C11orf54: variants seen among roughly 807,000 people sequenced by gnomAD.
The protein encoded by C11orf54 is beta-keto L-gulonate decarboxylase.
Under a neutral mutation model 35.5 loss-of-function variants are expected in C11orf54, and 29 were observed. The ratio of observed to expected loss-of-function variants is 0.82; its 90% CI spans 0.61 to 1.11. C11orf54 has a LOEUF of 1.11. C11orf54 is among the 50% of genes most tolerant of loss of function. The pLI is 0.00. For missense variants in C11orf54, 373 were observed against 369.2 expected (o/e 1.01, Z -0.08); for synonymous variants, 108 against 121.1 (o/e 0.89, Z 0.71).
Position 93,757,433 on chromosome 11 carries a change from A to G in C11orf54, c.625A>G (p.Ile209Val), listed in dbSNP as rs1338285531. 6.3e-7 allele frequency: 1 copy of G among 1,598,346 alleles called. No homozygotes were observed. The highest frequency in any genetic ancestry group is 1.1e-5 in the South Asian group (1 of 91,088). ...KPIGMGGTFI[I>V]QKGKVKSHIM... Reference sequence around the variant, plus strand: ...TATAGGAATGGGAGGTACTTTCATAATTCAGAAGGGAAAAGTGAAGTCTCA... The same window carrying G: ...TATAGGAATGGGAGGTACTTTCATAGTTCAGAAGGGAAAAGTGAAGTCTCA... The change falls in exon 7 of 9, where the codon ATT becomes GTT. Residue 209 changes from isoleucine (I) to valine (V), a missense_variant. Transcript: ENST00000354421.
chr11:93,750,302 G>A, intron 2 of C11orf54, 44 bp from the exon 3 acceptor site: 1 of 1,557,648 alleles, frequency 6.4e-7, no homozygotes, highest in East Asian at 2.2e-5. Flanking sequence ...TGGTAGCCAA[G>A]TTTTTACCTA....
At chr11:93,744,454 T>G (rs1400379327) in intron 1 of C11orf54, among the ~76,000 whole-genome samples, 2 of 152,218 alleles carry the variant, frequency 1.3e-5, no homozygotes. Flanking sequence ...CAAAAATATG[T>G]AAAGTGTTTT....
chr11:93,762,251 A>AT lies in C11orf54; in HGVS notation c.*565dup, dbSNP rs1158038992. 6.6e-6 allele frequency: 1 copy of AT among 152,242 alleles called. No individual in the cohort carries two copies. Among genetic ancestry groups the AT allele is most frequent in the Non-Finnish European group, 1.5e-5 (1 of 68,038 alleles). 9.4% of individuals were successfully genotyped at this position (152,242 alleles called of 1,614,324 possible). On this transcript the variant is annotated 3_prime_UTR_variant, in exon 9 of 9. Transcript: ENST00000354421. The stretch of plus-strand genomic sequence containing the variant: ...AACTGCTAAGTAGATGTTTCTGAGT[A>AT]TTAGAAAAATCAGTGTTATTACCTG...
In C11orf54 at chr11:93,757,368, G is replaced by C. The variant is rs1432694030; in HGVS notation, c.560G>C (p.Cys187Ser). 2 of 1,598,160 alleles carry C rather than the reference G, an allele frequency of 1.3e-6. No homozygotes were observed. The highest frequency in any genetic ancestry group is 2.7e-5 in the African/African-American group (2 of 74,866). Residue 187 changes from cysteine (C) to serine (S), a missense_variant, in exon 7 of 9, where the codon TGT becomes TCT. Coordinates refer to ENST00000354421, the MANE Select transcript of C11orf54 (RefSeq NM_001286069.2). Reference protein sequence around the residue: ...RRTGPLNFVTCMRETLEKHYG... With the variant: ...RRTGPLNFVTSMRETLEKHYG... ...ACTGGACCACTTAACTTTGTGACTTGTATGAGAGAGACCCTGGAAAAACAT... is the reference window on the plus strand; with the variant it reads ...ACTGGACCACTTAACTTTGTGACTTCTATGAGAGAGACCCTGGAAAAACAT...
chr11:93,760,801 G>A (rs1009185725), intron 8 of C11orf54, among the ~76,000 whole-genome samples: 7 of 151,882 alleles, frequency 4.6e-5, no homozygotes, highest in African/African-American at 7.3e-5. Flanking sequence ...TGGGATTACC[G>A]GTACTCACCA....
chr11:93,748,474 G>C (rs1392863172), intron 2 of C11orf54, among the ~76,000 whole-genome samples: 11 of 151,982 alleles, frequency 7.2e-5, no homozygotes. Context: ...TGCTTTTCTA[G>C]AATCTGTTTT....
chr11:93,748,932 T>G (rs1406018470), intron 2 of C11orf54, among the ~76,000 whole-genome samples: 1 of 149,410 alleles, frequency 6.7e-6, no homozygotes, highest in Non-Finnish European at 1.5e-5. Context: ...GATCACGAGG[T>G]CAGGAGTTCA....
intron 1 of C11orf54, among the ~76,000 whole-genome samples, chr11:93,743,242 C>G (rs1421977425): frequency 6.6e-6 from 1 of 152,128 alleles, no homozygotes; most frequent in Non-Finnish European, 1.5e-5. Context: ...CTCAAGTGAT[C>G]CGTCTGCCTC....
At chr11:93,746,220 T>C (rs1942466141) in intron 1 of C11orf54, 1 of 152,200 alleles carries the variant, frequency 6.6e-6, no homozygotes, top group African/African-American at 2.4e-5. Flanking sequence ...TGGAAGAATA[T>C]TTCAAATGGC....
Position 93,760,092 on chromosome 11 carries a change from A to G in C11orf54, c.774+234A>G, listed in dbSNP as rs575876472. 1.3e-4 allele frequency among the ~76,000 whole-genome samples: 20 copies of G among 152,206 alleles called. No individual in the cohort carries two copies. In the East Asian group the frequency reaches 3.9e-3, roughly 29 times the overall value. On this transcript the variant is annotated intron_variant, in intron 8 of 8. Coordinates refer to ENST00000354421, the MANE Select transcript of C11orf54 (RefSeq NM_001286069.2). ...CTCCCGGGTAGCTGGGATTATAGGC[A>G]TCTGCCACCATGCCTGGCTAATTTT...
Position 93,750,564 on chromosome 11 carries a change from C to G in C11orf54, c.154+120C>G, listed in dbSNP as rs1942760907. The G allele has an allele frequency of 8.1e-6, 6 of 742,696 alleles. No homozygotes were observed. In the East Asian group the frequency reaches 1.6e-4, roughly 20 times the overall value. 46.0% of individuals were successfully genotyped at this position (742,696 alleles called of 1,614,324 possible). On this transcript the variant is annotated intron_variant, in intron 3 of 8. Coordinates refer to ENST00000354421, the MANE Select transcript of C11orf54 (RefSeq NM_001286069.2). ...AAAGGATATTGTCACAACATTTAGG[C>G]TAAATTGTGCCAAATTTCTGTGCTC...
chr11:93,749,836 G>C (rs1417718112), intron 2 of C11orf54, among the ~76,000 whole-genome samples: 1 of 152,138 alleles, frequency 6.6e-6, no homozygotes, highest in African/African-American at 2.4e-5. Context: ...AGATCAAAAT[G>C]TAAAATATTT....
At chr11:93,750,818 G>C (rs1397715301) in intron 3 of C11orf54, among the ~76,000 whole-genome samples, 3 of 152,178 alleles carry the variant, frequency 2.0e-5, no homozygotes, top group Non-Finnish European at 2.9e-5. Context: ...CCTTGTATTT[G>C]AATGATCTGT....
chr11:93,747,530 T>C, intron 2 of C11orf54, 82 bp downstream of exon 2: 1 of 1,012,234 alleles, frequency 9.9e-7, no homozygotes, highest in Non-Finnish European at 1.4e-6. Context: ...TCTATCTATA[T>C]CTTACTACTT....
chr11:93,757,515 CT>C lies in C11orf54; in HGVS notation c.657+52del, dbSNP rs749050987. 1.5e-5 allele frequency: 23 copies of C among 1,497,280 alleles called. No individual in the cohort carries two copies. In the South Asian group the frequency reaches 2.1e-4, roughly 14 times the overall value. 92.7% of individuals were successfully genotyped at this position (1,497,280 alleles called of 1,614,324 possible). On this transcript the variant is annotated intron_variant, in intron 7 of 8. Transcript: ENST00000354421. ...GCATGAAGGAGTTTGTGTGTGTGCACTTACTTAAGATCTTAGGATTTTTTTT... is the reference window on the plus strand; with the variant it reads ...GCATGAAGGAGTTTGTGTGTGTGCACTACTTAAGATCTTAGGATTTTTTTT...
At chr11:93,758,942 C>T (rs995278309) in intron 7 of C11orf54, among the ~76,000 whole-genome samples, 1 of 152,232 alleles carries the variant, frequency 6.6e-6, no homozygotes, top group African/African-American at 2.4e-5. Context: ...GTGCTTTTTC[C>T]AGGCCCACTG....
At chr11:93,757,584 T>A in intron 7 of C11orf54, 119 bp downstream of exon 7, 2 of 1,120,226 alleles carry the variant, frequency 1.8e-6, no homozygotes, top group Non-Finnish European at 2.5e-6. Flanking sequence ...TGCTGGAGTG[T>A]AGTGGCACAA....
chr11:93,743,898 C>CA (rs1056531472), intron 1 of C11orf54, among the ~76,000 whole-genome samples: 2 of 152,156 alleles, frequency 1.3e-5, no homozygotes, highest in Non-Finnish European at 2.9e-5. Flanking sequence ...TTGCCTCCAT[C>CA]TGGCCCAAGG....
rs1391612323 is a variant in C11orf54 at position 93,762,685 on chromosome 11, G to T, written c.*997G>T. The T allele has an allele frequency of 6.6e-6, 1 of 152,124 alleles. No individual in the cohort carries two copies. Among genetic ancestry groups the T allele is most frequent in the Non-Finnish European group, 1.5e-5 (1 of 68,028 alleles). The allele number at this position is 152,124 out of a possible 1,614,324, so 9.4% of individuals were successfully genotyped here. On this transcript the variant is annotated 3_prime_UTR_variant, in exon 9 of 9. Coordinates refer to ENST00000354421, the MANE Select transcript of C11orf54 (RefSeq NM_001286069.2). ...CTAGCCATAATTCCTCCCTTGTTTC[G>T]ATTGCCAGTTAGAAGCAATTTTTAT...
Sources: allele counts gnomAD v4.1 joint callset (sites outside exome capture counted in the v4.1 genomes callset), GRCh38; gene constraint gnomAD v4.1.1; transcripts MANE v1.5; gene names NCBI Gene and HGNC (gene_info 2026-07-23, HGNC 2026-07-21).